The following EPB41L1 variants were observed in gnomAD, a reference collection of about 807,000 sequenced individuals.
EPB41L1 encodes band 4.1-like protein 1.
In EPB41L1, 29 loss-of-function variants were observed where a neutral mutation model predicts 97.8. That is an observed-to-expected ratio of 0.30 (90% confidence interval 0.22 to 0.40). EPB41L1 has a LOEUF of 0.40. EPB41L1 is among the 10% of genes least tolerant of loss of function. EPB41L1 has a pLI of 1.00. For missense variants in EPB41L1, 812 were observed against 1,162.3 expected (o/e 0.70, Z 4.38); for synonymous variants, 383 against 459.2 (o/e 0.83, Z 2.12).
chr20:36,129,361 G>A (rs1480042844), intron 2 of EPB41L1, among the ~76,000 whole-genome samples: 2 of 152,112 alleles, frequency 1.3e-5, no homozygotes, highest in East Asian at 1.9e-4. Context: ...TCTCCTGGGG[G>A]GAGCCTGGTT....
At chr20:36,105,498 C>T (rs371145635) in intron 1 of EPB41L1, among the ~76,000 whole-genome samples, 7 of 152,256 alleles carry the variant, frequency 4.6e-5, no homozygotes, top group African/African-American at 1.7e-4. Context: ...TTCTACTTTA[C>T]CCACCCCCCT....
rs138256745 is a variant in EPB41L1, at chr20:36,173,921, T to A, written c.144T>A (p.His48Gln). The stretch of plus-strand genomic sequence containing the variant: ...CAGAGGCCAACTCCAATGAGAAGCA[T>A]CCATCCCAGCAGGACACGCGGCCTG... ...GHPEANSNEK[H>Q]PSQQDTRPAE... Residue 48 changes from histidine to glutamine, a missense_variant, in exon 2 of 22, where the codon CAT becomes CAA. By Grantham distance (24) the His-to-Gln change is conservative (BLOSUM62 0). Coordinates refer to ENST00000338074, the MANE Select transcript of EPB41L1 (RefSeq NM_012156.2). 4 of 1,613,706 alleles carry A rather than the reference T, an allele frequency of 2.5e-6. No homozygotes were observed. The African/African-American group carries it at 5.3e-5, about 22-fold the overall frequency.
At chr20:36,198,284 T>A (rs1341881068) in intron 14 of EPB41L1, among the ~76,000 whole-genome samples, 1 of 152,176 alleles carries the variant, frequency 6.6e-6, no homozygotes, top group Non-Finnish European at 1.5e-5. Flanking sequence ...CTTGGCGTAC[T>A]CCCCTTCCAT....
Position 36,190,838 on chromosome 20 carries a change from A to G in EPB41L1, c.1300+41A>G. The stretch of plus-strand genomic sequence containing the variant: ...GAGGGCTGGGCGGGGAATGGTCTTC[A>G]GAGGGAACTGGGGGAGTGGGCATGC... On this transcript the variant is annotated intron_variant, in intron 11 of 21. Transcript: ENST00000338074. The surrounding 1 kb of genome is among the most constrained non-coding windows in gnomAD (Gnocchi z 5.8). The G allele has an allele frequency of 2.5e-6, 4 of 1,607,836 alleles. No individual in the cohort carries two copies. Among genetic ancestry groups the G allele is most frequent in the Non-Finnish European group, 3.4e-6 (4 of 1,179,270 alleles).
chr20:36,221,671 G>A (rs995358470), intron 19 of EPB41L1, among the ~76,000 whole-genome samples, 193 bp from the exon 20 acceptor site: 2 of 152,178 alleles, frequency 1.3e-5, no homozygotes, highest in Non-Finnish European at 2.9e-5. Flanking sequence ...GTAGTTTTGG[G>A]GAGTGGTGGC....
chr20:36,210,403 G>A (rs1569334449), intron 15 of EPB41L1, among the ~76,000 whole-genome samples: 1 of 152,086 alleles, frequency 6.6e-6, no homozygotes, highest in Non-Finnish European at 1.5e-5. Context: ...TCATTGAGGA[G>A]GGACAGACTG....
intron 1 of EPB41L1, among the ~76,000 whole-genome samples, 152 bp from the exon 2 acceptor site, chr20:36,173,612 C>T (rs1164452283): frequency 6.6e-6 from 1 of 152,206 alleles, no homozygotes; most frequent in East Asian, 1.9e-4. Context: ...CTCCTCCCCA[C>T]TTCCTCTGTC....
At chr20:36,220,434 A>T (rs2063715465) in intron 19 of EPB41L1, among the ~76,000 whole-genome samples, 1 of 152,142 alleles carries the variant, frequency 6.6e-6, no homozygotes, top group Non-Finnish European at 1.5e-5. Context: ...TGTAACTGGG[A>T]AATTAGGTTG....
intron 1 of EPB41L1, among the ~76,000 whole-genome samples, chr20:36,161,569 C>T (rs924230757): frequency 2.0e-5 from 3 of 150,192 alleles, no homozygotes; most frequent in Non-Finnish European, 4.4e-5. Flanking sequence ...TCCGCCTCCC[C>T]GGTTCAAGCA....
At chr20:36,220,869 G>A (rs2063739623) in intron 19 of EPB41L1, among the ~76,000 whole-genome samples, 1 of 152,190 alleles carries the variant, frequency 6.6e-6, no homozygotes, top group South Asian at 2.1e-4. Flanking sequence ...TGGAGGCCTG[G>A]AGCAGCCAGG....
At chr20:36,125,005 CAA>C (rs2058904654) in intron 2 of EPB41L1, among the ~76,000 whole-genome samples, 1 of 151,926 alleles carries the variant, frequency 6.6e-6, no homozygotes, top group Non-Finnish European at 1.5e-5. Context: ...GATGCTCAGC[CAA>C]AGAGTTTAGA....
chr20:36,182,237 A>C (rs764582606), intron 5 of EPB41L1, 35 bp from the exon 6 acceptor site: 1 of 1,601,718 alleles, frequency 6.2e-7, no homozygotes, highest in South Asian at 1.1e-5. Flanking sequence ...GTGGGGTGTT[A>C]GGGCCTCGCT....
In EPB41L1 at chr20:36,093,355, G is replaced by T. The variant is rs1451052529; in HGVS notation, c.-65+1743G>T. ...TGTGCGCGCGCGTCGCTGTGTGCGC[G>T]CCAGTGTAACTCCCGTGTGTGCGCG... On this transcript the variant is annotated intron_variant, in intron 1 of 19. Coordinates refer to the EPB41L1 transcript ENST00000202028. This position sits in a 1 kb window ranked among gnomAD's most constrained non-coding sequence, Gnocchi z 5.4. Among the ~76,000 whole-genome samples the T allele has an allele frequency of 1.3e-5, 2 of 151,838 alleles. No homozygotes were observed. The highest frequency in any genetic ancestry group is 2.9e-5 in the Non-Finnish European group (2 of 67,890).
rs201555725 is a variant in EPB41L1 at position 36,198,050 on chromosome 20, C to T, written c.1668+9C>T. 1.1e-4 allele frequency: 171 copies of T among 1,608,274 alleles called. 2 individuals are homozygous for T. The East Asian group carries it at 2.1e-3, about 20-fold the overall frequency. On this transcript the variant is annotated intron_variant, in intron 14 of 21. Coordinates refer to ENST00000338074, the MANE Select transcript of EPB41L1 (RefSeq NM_012156.2). ...CTGAGAAAGCCAATGAGGTAGGTGT[C>T]GCCCTGAACCCCTCGATAGGGGCCT... is the stretch of plus-strand genomic sequence containing the variant.
chr20:36,217,006 C>G (rs1050250269), intron 17 of EPB41L1, among the ~76,000 whole-genome samples: 2 of 152,136 alleles, frequency 1.3e-5, no homozygotes, highest in Admixed American at 6.5e-5. Flanking sequence ...CTCCTTAGAC[C>G]TATTGACTCG....
intron 13 of EPB41L1, among the ~76,000 whole-genome samples, chr20:36,196,422 G>A (rs1276246251): frequency 6.6e-6 from 1 of 152,190 alleles, no homozygotes; most frequent in Non-Finnish European, 1.5e-5. Context: ...TCTCAGGTTG[G>A]GACTCACTAC....
intron 5 of EPB41L1, among the ~76,000 whole-genome samples, chr20:36,181,211 A>C (rs746158949): frequency 7.9e-5 from 12 of 152,140 alleles, no homozygotes; most frequent in East Asian, 1.9e-4. Context: ...TCACTTTGTC[A>C]GGGGCCATTT....
At chr20:36,197,754 T>C in intron 13 of EPB41L1, 105 bp from the exon 14 acceptor site, 1 of 1,604,704 alleles carries the variant, frequency 6.2e-7, no homozygotes, top group Non-Finnish European at 8.5e-7. Flanking sequence ...GGAATAACGT[T>C]GCTGGTGGAG....
At chr20:36,188,681 A>G (rs932282138) in intron 9 of EPB41L1, among the ~76,000 whole-genome samples, 182 bp downstream of exon 9, 8 of 150,776 alleles carry the variant, frequency 5.3e-5, no homozygotes, top group African/African-American at 1.5e-4. Context: ...AGTCTAAATA[A>G]AAGTATAACC....
Sources: gnomAD v4.1 joint callset for allele counts (sites outside exome capture counted in the v4.1 genomes callset) on GRCh38, gnomAD v4.1.1 for gene constraint, Gnocchi (gnomAD v3.1) non-coding constraint, MANE v1.5 for transcripts, NCBI Gene and HGNC (gene_info 2026-07-23, HGNC 2026-07-21) for gene names.